PDE12: variants seen among roughly 807,000 people sequenced by gnomAD.
PDE12 encodes the protein 2',5'-phosphodiesterase 12.
In PDE12, 26 loss-of-function variants were observed where a neutral mutation model predicts 45.4. The observed-to-expected ratio is 0.57, with a 90% CI of 0.42 to 0.79. PDE12 has a LOEUF of 0.79. Ranked by LOEUF, PDE12 falls within the 30% of genes least tolerant of loss-of-function variation. The pLI is 0.00. For synonymous variants in PDE12, 283 were observed against 323.9 expected, an observed-to-expected ratio of 0.87 and a Z score of 1.36; for missense variants, 668 against 790.0, an observed-to-expected ratio of 0.85 and a Z score of 1.85.
downstream of PDE12, among the ~76,000 whole-genome samples, chr3:57,567,626 T>C (rs1389303771): frequency 6.6e-6 from 1 of 152,204 alleles, no homozygotes; most frequent in Non-Finnish European, 1.5e-5. Context: ...TATATACTAG[T>C]AGAAATATAT....
At position 57,561,962 on chromosome 3, in the gene PDE12, G is replaced by A. The variant is rs2069733191; in HGVS notation, c.*1958G>A. On this transcript the variant is annotated 3_prime_UTR_variant, in exon 3 of 3. Coordinates refer to ENST00000311180, the MANE Select transcript of PDE12 (RefSeq NM_177966.7). ...TAAAAAATTGATGCTACCAAATTGT[G>A]CCTTCCTAAATAACATTTTTGAGAG... The A allele has an allele frequency of 1.0e-6, 1 of 984,594 alleles. No individual in the cohort carries two copies. Among genetic ancestry groups the A allele is most frequent in the East Asian group, 1.1e-4 (1 of 8,806 alleles). The allele number at this position is 984,594 out of a possible 1,614,324, so 61.0% of individuals were successfully genotyped here. A position where few individuals can be genotyped will look rare whatever the true frequency, so the allele number is the denominator to read the frequency against.
chr3:57,572,446 G>A, the PDE12 span: 10 of 600,630 alleles, frequency 1.7e-5, no homozygotes, highest in Middle Eastern at 4.5e-4. Context: ...CTGGCTGGGC[G>A]TGGTGGCTCA....
chr3:57,588,935 T>G, the PDE12 span, among the ~76,000 whole-genome samples: 1 of 152,076 alleles, frequency 6.6e-6, no homozygotes, highest in Admixed American at 6.6e-5. Flanking sequence ...AAAGCCCGTC[T>G]CTACTAAAAA....
chr3:57,581,607 C>T, the PDE12 span, among the ~76,000 whole-genome samples: 1 of 152,180 alleles, frequency 6.6e-6, no homozygotes. Flanking sequence ...TCGAGACCAG[C>T]CTGGCTAACA....
chr3:57,585,234 A>G, the PDE12 span, among the ~76,000 whole-genome samples: 1 of 152,216 alleles, frequency 6.6e-6, no homozygotes, highest in Non-Finnish European at 1.5e-5. Flanking sequence ...AGAATTCTTA[A>G]GATTTGTAAA....
At chr3:57,615,491 CAAAA>C in the PDE12 span, among the ~76,000 whole-genome samples, 2 of 152,020 alleles carry the variant, frequency 1.3e-5, no homozygotes, top group African/African-American at 4.8e-5. Context: ...CCAAAGTAAA[CAAAA>C]GAAAGACTAA....
chr3:57,617,856 G>C, the PDE12 span, among the ~76,000 whole-genome samples: 1 of 151,104 alleles, frequency 6.6e-6, no homozygotes, highest in Non-Finnish European at 1.5e-5. Flanking sequence ...GCAACAGAGT[G>C]AGTGAGACTC....
At chr3:57,615,152 G>A in the PDE12 span, among the ~76,000 whole-genome samples, 1 of 151,918 alleles carries the variant, frequency 6.6e-6, no homozygotes, top group African/African-American at 2.4e-5. Context: ...AGCTCAGACA[G>A]CTCGCCCCCC....
At chr3:57,640,553 G>T in the PDE12 span, among the ~76,000 whole-genome samples, 3 of 152,168 alleles carry the variant, frequency 2.0e-5, no homozygotes, top group Non-Finnish European at 4.4e-5. Context: ...ACTCCAGCCT[G>T]GGCAACAGAG....
chr3:57,633,653 G>T, the PDE12 span, among the ~76,000 whole-genome samples: 2 of 152,180 alleles, frequency 1.3e-5, no homozygotes, highest in Non-Finnish European at 2.9e-5. Flanking sequence ...CTTTGGGAAG[G>T]TGAGGTGGGT....
the PDE12 span, among the ~76,000 whole-genome samples, chr3:57,614,550 T>TG: frequency 2.0e-5 from 2 of 101,526 alleles, no homozygotes; most frequent in African/African-American, 2.9e-5. Flanking sequence ...TTTTGTTTTT[T>TG]TTTTTTTTTT....
At chr3:57,649,803 C>G in the PDE12 span, among the ~76,000 whole-genome samples, 3 of 149,696 alleles carry the variant, frequency 2.0e-5, no homozygotes, top group Non-Finnish European at 4.4e-5. Flanking sequence ...TGGATTGACC[C>G]CCCACCCCCA....
chr3:57,567,138 C>T (rs1326581778), downstream of PDE12, among the ~76,000 whole-genome samples: 4 of 152,006 alleles, frequency 2.6e-5, no homozygotes, highest in African/African-American at 4.8e-5. Context: ...GGTGAACCTC[C>T]GTCTCTACTA....
chr3:57,652,951 G>T, the PDE12 span, among the ~76,000 whole-genome samples: 1,040 of 152,294 alleles, frequency 6.8e-3, 13 homozygotes, highest in African/African-American at 0.023. Context: ...AGACATTATT[G>T]TAACAACTGG....
chr3:57,638,819 C>G, the PDE12 span, among the ~76,000 whole-genome samples: 1 of 151,940 alleles, frequency 6.6e-6, no homozygotes, highest in East Asian at 1.9e-4. Context: ...TGAAAAATAA[C>G]AGGCCAGGTG....
Position 57,556,763 on chromosome 3 carries a change from G to C in PDE12, c.384G>C (p.Arg128=). The change falls in exon 1 of 3, where the codon CGG becomes CGC. Residue 128 remains arginine, a synonymous_variant. Coordinates refer to ENST00000311180, the MANE Select transcript of PDE12 (RefSeq NM_177966.7). This position sits in a 1 kb window ranked among gnomAD's most constrained non-coding sequence, Gnocchi z 5.0. ...FCEPVVKLYY[R]EEAVAEDVLN... is the part of the protein sequence containing the mutation. ...AGCCCGTGGTGAAGCTGTACTACCG[G>C]GAAGAGGCAGTGGCTGAGGACGTGC... 1 of 1,607,624 alleles carries C rather than the reference G, an allele frequency of 6.2e-7. No individual in the cohort carries two copies. The highest frequency in any genetic ancestry group is 8.5e-7 in the Non-Finnish European group (1 of 1,175,356).
intron 1 of PDE12, among the ~76,000 whole-genome samples, chr3:57,558,530 A>ACCTAGGCT (rs113709686): frequency 0.14 from 21,140 of 152,142 alleles, 1,542 homozygotes; most frequent in South Asian, 0.21. Flanking sequence ...AGTCTCTGTC[A>ACCTAGGCT]CCTAGGCTGG....
the PDE12 span, among the ~76,000 whole-genome samples, chr3:57,649,585 T>C: frequency 2.8e-3 from 424 of 150,470 alleles, 2 homozygotes; most frequent in African/African-American, 9.8e-3. Flanking sequence ...CAATGCACAA[T>C]TGCAAAAATA....
At chr3:57,604,610 T>C in the PDE12 span, among the ~76,000 whole-genome samples, 2 of 39,742 alleles carry the variant, frequency 5.0e-5, no homozygotes, top group Non-Finnish European at 1.3e-4. Flanking sequence ...TCTTTTTTTT[T>C]TTTTTTTGGG....
Sources: gnomAD v4.1 joint callset for allele counts (sites outside exome capture counted in the v4.1 genomes callset) on GRCh38, gnomAD v4.1.1 for gene constraint, Gnocchi (gnomAD v3.1) non-coding constraint, MANE v1.5 for transcripts, NCBI Gene and HGNC (gene_info 2026-07-23, HGNC 2026-07-21) for gene names.